Variants in FARS2 observed in about 807,000 individuals in gnomAD.
FARS2 encodes phenylalanyl-tRNA synthetase 2, mitochondrial, also known as phenylalanine--tRNA ligase, mitochondrial.
A neutral mutation model predicts 46.4 loss-of-function variants in FARS2; 40 were observed. That is an observed-to-expected ratio of 0.86 (90% confidence interval 0.67 to 1.12). The LOEUF (loss-of-function observed/expected upper bound fraction) is 1.12, where lower values mean the gene tolerates loss of function less well. FARS2 is among the 50% of genes most tolerant of loss of function. The pLI is 0.00. For missense variants in FARS2, 513 were observed against 567.9 expected (o/e 0.90, Z 0.98); for synonymous variants, 234 against 214.9 (o/e 1.09, Z -0.78).
chr6:5,436,617 A>G (rs1320371779), intron 4 of FARS2, among the ~76,000 whole-genome samples: 3 of 152,210 alleles, frequency 2.0e-5, no homozygotes, highest in Non-Finnish European at 2.9e-5. Context: ...GCTTTGTGAG[A>G]TGAGAAAAGG....
intron 1 of FARS2, among the ~76,000 whole-genome samples, chr6:5,322,650 A>G (rs971116100): frequency 2.0e-5 from 3 of 152,032 alleles, no homozygotes; most frequent in Admixed American, 6.5e-5. Flanking sequence ...CTTGAGTGGG[A>G]CCCTTGGTGT....
intron 6 of FARS2, among the ~76,000 whole-genome samples, chr6:5,725,833 G>T (rs578069281): frequency 6.6e-6 from 1 of 152,340 alleles, no homozygotes; most frequent in African/African-American, 2.4e-5. Context: ...TACTCGGGAG[G>T]CTGAGGCAGG....
chr6:5,758,296 G>T (rs1639150332), intron 6 of FARS2, among the ~76,000 whole-genome samples: 1 of 151,990 alleles, frequency 6.6e-6, no homozygotes, highest in Admixed American at 6.6e-5. Flanking sequence ...AACATATATG[G>T]AATATTAATC....
At chr6:5,564,708 C>G (rs1772225050) in intron 5 of FARS2, among the ~76,000 whole-genome samples, 1 of 152,158 alleles carries the variant, frequency 6.6e-6, no homozygotes, top group Non-Finnish European at 1.5e-5. Context: ...TGAAACTGTT[C>G]CACAAGGAAT....
intron 6 of FARS2, among the ~76,000 whole-genome samples, chr6:5,708,134 G>A (rs1758881249): frequency 6.6e-6 from 1 of 152,144 alleles, no homozygotes; most frequent in African/African-American, 2.4e-5. Context: ...TGTCTGGGTG[G>A]TAGAAGGGCC....
At chr6:5,392,839 G>GTA (rs1205097252) in intron 2 of FARS2, among the ~76,000 whole-genome samples, 4 of 104,312 alleles carry the variant, frequency 3.8e-5, no homozygotes, top group Admixed American at 1.0e-4. Flanking sequence ...ATACATATAT[G>GTA]TGTGTATATA....
chr6:5,724,845 G>C (rs1760146455), intron 6 of FARS2, among the ~76,000 whole-genome samples: 1 of 152,198 alleles, frequency 6.6e-6, no homozygotes, highest in South Asian at 2.1e-4. Context: ...ACAGTAACAT[G>C]AAATACATCT....
intron 5 of FARS2, among the ~76,000 whole-genome samples, chr6:5,574,234 C>T (rs1015529785): frequency 1.3e-5 from 2 of 152,124 alleles, no homozygotes; most frequent in Non-Finnish European, 2.9e-5. Context: ...AGCTGATTCT[C>T]CTACCTCAGC....
chr6:5,590,198 T>C (rs541587334), intron 5 of FARS2, among the ~76,000 whole-genome samples: 2 of 152,184 alleles, frequency 1.3e-5, no homozygotes. Context: ...AATGTGATAG[T>C]GAAGAATGAT....
At chr6:5,260,726 G>A (rs371803966), upstream of FARS2, 27 of 1,549,940 alleles carry the variant, frequency 1.7e-5, no homozygotes, top group Middle Eastern at 5.0e-4. Flanking sequence ...GCGACTGGAG[G>A]CTGCCATTTT....
chr6:5,613,451 T>C, intron 6 of FARS2, 131 bp downstream of exon 6: 1 of 653,546 alleles, frequency 1.5e-6, no homozygotes, highest in Non-Finnish European at 2.5e-6. Flanking sequence ...GTAGTGAATG[T>C]ATAGCTTATC....
At chr6:5,479,257 A>C (rs1455380379) in intron 4 of FARS2, among the ~76,000 whole-genome samples, 2 of 152,228 alleles carry the variant, frequency 1.3e-5, no homozygotes, top group African/African-American at 4.8e-5. Flanking sequence ...TGCTGCCTAC[A>C]AAATGTGTTG....
At chr6:5,514,969 G>A (rs1346850669) in intron 4 of FARS2, among the ~76,000 whole-genome samples, 1 of 151,406 alleles carries the variant, frequency 6.6e-6, no homozygotes, top group Admixed American at 6.6e-5. Context: ...CAAGAGATGG[G>A]GTCTTACTGT....
At chr6:5,542,392 TC>T (rs1770691955) in intron 4 of FARS2, among the ~76,000 whole-genome samples, 1 of 152,236 alleles carries the variant, frequency 6.6e-6, no homozygotes, top group Admixed American at 6.5e-5. Flanking sequence ...GCATTGGACT[TC>T]CAGTGCACAT....
chr6:5,317,317 G>C (rs1688666798), intron 1 of FARS2, among the ~76,000 whole-genome samples: 2 of 152,210 alleles, frequency 1.3e-5, no homozygotes, highest in African/African-American at 4.8e-5. Context: ...AGTCTGAAGA[G>C]ACAGGGCAGC....
chr6:5,724,111 A>G (rs7747282), intron 6 of FARS2, among the ~76,000 whole-genome samples: 27,857 of 152,116 alleles, frequency 0.18, 2,665 homozygotes, highest in Middle Eastern at 0.22. Flanking sequence ...CCCACACTGC[A>G]TGGTTTCACT....
At chr6:5,700,085 A>T (rs540064779) in intron 6 of FARS2, among the ~76,000 whole-genome samples, 1 of 152,218 alleles carries the variant, frequency 6.6e-6, no homozygotes, top group Non-Finnish European at 1.5e-5. Flanking sequence ...GGCATTGTAC[A>T]TGCTGCCTTC....
intron 2 of FARS2, among the ~76,000 whole-genome samples, chr6:5,390,379 T>C (rs914341856): frequency 5.3e-5 from 8 of 152,230 alleles, no homozygotes; most frequent in Admixed American, 5.2e-4. Flanking sequence ...TCGCACATGC[T>C]AAAAATATCC....
intron 2 of FARS2, among the ~76,000 whole-genome samples, chr6:5,389,547 A>G (rs956326323): frequency 6.6e-6 from 1 of 152,210 alleles, no homozygotes; most frequent in Non-Finnish European, 1.5e-5. Flanking sequence ...TATTGTGCAG[A>G]GCAAGAATGT....
Sources: allele counts gnomAD v4.1 joint callset (sites outside exome capture counted in the v4.1 genomes callset), GRCh38; gene constraint gnomAD v4.1.1; transcripts MANE v1.5; gene names NCBI Gene and HGNC (gene_info 2026-07-23, HGNC 2026-07-21).